The following MGAT4C variants were observed in gnomAD, a reference collection of about 807,000 sequenced individuals.
MGAT4C encodes alpha-1,3-mannosyl-glycoprotein 4-beta-N-acetylglucosaminyltransferase C.
In MGAT4C, 19 loss-of-function variants were observed where a neutral mutation model predicts 40.1. The ratio of observed to expected loss-of-function variants is 0.47; its 90% CI spans 0.33 to 0.70. The LOEUF (loss-of-function observed/expected upper bound fraction) is 0.70. MGAT4C is among the 30% of genes least tolerant of loss of function. MGAT4C has a pLI of 0.02. For missense variants in MGAT4C, 491 were observed against 563.2 expected (o/e 0.87, Z 1.30); for synonymous variants, 181 against 187.1 (o/e 0.97, Z 0.27).
chr12:86,052,198 T>C (rs1420294526), intron 1 of MGAT4C, among the ~76,000 whole-genome samples: 1 of 151,640 alleles, frequency 6.6e-6, no homozygotes, highest in African/African-American at 2.4e-5. Flanking sequence ...TGAAAATACA[T>C]GTTTAAAAAA....
chr12:86,677,882 G>A lies in MGAT4C; in HGVS notation c.-229+49327C>T, dbSNP rs890737582. Among the ~76,000 whole-genome samples the A allele has an allele frequency of 4.9e-4, 75 of 152,120 alleles. 1 individual carries two copies. The highest frequency in any genetic ancestry group is 2.6e-4 in the Non-Finnish European group (18 of 67,984). On this transcript the variant is annotated intron_variant, in intron 2 of 7. Coordinates refer to the MGAT4C transcript ENST00000548651. ...AAGCAAACGACTAAAACTGTTAAAC[G>A]AAAGACTATTGGTCTTCTTTTTCCT...
intron 4 of MGAT4C, among the ~76,000 whole-genome samples, chr12:86,298,867 G>C (rs1275447304): frequency 1.3e-5 from 2 of 151,624 alleles, no homozygotes; most frequent in African/African-American, 4.8e-5. Flanking sequence ...CTCAATAAGT[G>C]GTTATTAAGA....
chr12:86,604,255 A>G (rs1961961083), intron 2 of MGAT4C, among the ~76,000 whole-genome samples: 1 of 152,092 alleles, frequency 6.6e-6, no homozygotes, highest in African/African-American at 2.4e-5. Flanking sequence ...TGACTTTACC[A>G]AAGTTCAATG....
At chr12:86,524,771 T>A (rs1324027563) in intron 2 of MGAT4C, among the ~76,000 whole-genome samples, 1 of 152,150 alleles carries the variant, frequency 6.6e-6, no homozygotes, top group Non-Finnish European at 1.5e-5. Flanking sequence ...ATTCCCTTAT[T>A]TTTTTCTTTA....
intron 1 of MGAT4C, among the ~76,000 whole-genome samples, chr12:86,104,347 C>A (rs1202734173): frequency 1.3e-5 from 2 of 151,466 alleles, no homozygotes; most frequent in Non-Finnish European, 2.9e-5. Flanking sequence ...GATGGAGGTG[C>A]GACAGTCAAT....
intron 2 of MGAT4C, among the ~76,000 whole-genome samples, chr12:86,542,321 A>T (rs1039953556): frequency 1.3e-5 from 2 of 152,046 alleles, no homozygotes; most frequent in Admixed American, 6.6e-5. Context: ...ACATTCAGGA[A>T]ATAAGTAGGA....
At chr12:86,353,839 A>C (rs1955237830) in intron 3 of MGAT4C, among the ~76,000 whole-genome samples, 1 of 152,000 alleles carries the variant, frequency 6.6e-6, no homozygotes, top group Non-Finnish European at 1.5e-5. Flanking sequence ...CTTTGCCCCA[A>C]GTTGAACAGA....
At chr12:86,628,055 CAT>C (rs1186999153) in intron 2 of MGAT4C, among the ~76,000 whole-genome samples, 1 of 152,128 alleles carries the variant, frequency 6.6e-6, no homozygotes, top group Non-Finnish European at 1.5e-5. Flanking sequence ...CGTTAAATGA[CAT>C]GATGGAGCTG....
intron 1 of MGAT4C, among the ~76,000 whole-genome samples, chr12:86,130,493 C>T (rs910613707): frequency 6.6e-6 from 1 of 151,980 alleles, no homozygotes; most frequent in Admixed American, 6.6e-5. Flanking sequence ...TAAGGCAATG[C>T]TTTCCTAACT....
chr12:86,564,110 G>A (rs988246906), intron 2 of MGAT4C, among the ~76,000 whole-genome samples: 20 of 152,112 alleles, frequency 1.3e-4, no homozygotes, highest in African/African-American at 1.7e-4. Flanking sequence ...GGTGATTCCC[G>A]CCATATCCCC....
chr12:86,746,787 C>A (rs1414032081), intron 1 of MGAT4C, among the ~76,000 whole-genome samples: 1 of 151,592 alleles, frequency 6.6e-6, no homozygotes, highest in Non-Finnish European at 1.5e-5. Context: ...GGTATCTTTT[C>A]TGAGCCCCCT....
Position 85,980,276 on chromosome 12 carries a change from A to G in MGAT4C, c.450T>C (p.Asp150=). 1 of 1,613,986 alleles carries G rather than the reference A, an allele frequency of 6.2e-7. No homozygotes were observed. Among genetic ancestry groups the G allele is most frequent in the Non-Finnish European group, 8.5e-7 (1 of 1,179,924 alleles). Residue 150 remains aspartate, a synonymous_variant, in exon 5 of 5, where the codon GAT becomes GAC. Coordinates refer to ENST00000611864, the MANE Select transcript of MGAT4C (RefSeq NM_001351288.2). ...TCTGTGTAATATCCTGGACCATGGC[A>G]TCACGCCAGGAAGAATTAAAGTCTG... ...HLADFNSSWR[D]AMVQDITQKF...
At chr12:86,640,270 C>T (rs1372821570) in intron 2 of MGAT4C, among the ~76,000 whole-genome samples, 1 of 151,724 alleles carries the variant, frequency 6.6e-6, no homozygotes, top group Admixed American at 6.6e-5. Context: ...ACTATTTATT[C>T]TCAACTTAAA....
chr12:86,033,831 G>A (rs1890979770), intron 2 of MGAT4C, among the ~76,000 whole-genome samples: 1 of 149,520 alleles, frequency 6.7e-6, no homozygotes, highest in Non-Finnish European at 1.5e-5. Flanking sequence ...TCTTGCTCCA[G>A]TTCCCAAAAG....
At chr12:86,191,267 A>T (rs1353156825) in intron 1 of MGAT4C, among the ~76,000 whole-genome samples, 1 of 152,050 alleles carries the variant, frequency 6.6e-6, no homozygotes, top group African/African-American at 2.4e-5. Context: ...TGGTGCTCTA[A>T]TCTGGTTAGA....
At chr12:86,017,800 A>T (rs1889247000) in intron 2 of MGAT4C, among the ~76,000 whole-genome samples, 1 of 152,124 alleles carries the variant, frequency 6.6e-6, no homozygotes, top group South Asian at 2.1e-4. Context: ...AACATTTTTA[A>T]CTGTTTGTCA....
At chr12:86,419,723 T>C (rs920557664) in intron 3 of MGAT4C, among the ~76,000 whole-genome samples, 2 of 152,134 alleles carry the variant, frequency 1.3e-5, no homozygotes, top group Non-Finnish European at 2.9e-5. Context: ...TTGTAGTGGA[T>C]GGTAATGAAA....
intron 1 of MGAT4C, among the ~76,000 whole-genome samples, chr12:86,058,126 A>G (rs1002958265): frequency 1.3e-5 from 2 of 152,102 alleles, no homozygotes; most frequent in Admixed American, 6.6e-5. Context: ...ACATATTTCA[A>G]TTGTTAATGG....
chr12:86,092,175 A>G (rs902876795), intron 1 of MGAT4C, among the ~76,000 whole-genome samples: 3 of 152,138 alleles, frequency 2.0e-5, no homozygotes, highest in African/African-American at 7.2e-5. Flanking sequence ...CCTCATGCTC[A>G]AACAGAAATT....
Sources: allele counts gnomAD v4.1 joint callset (sites outside exome capture counted in the v4.1 genomes callset), GRCh38; gene constraint gnomAD v4.1.1; transcripts MANE v1.5; gene names NCBI Gene and HGNC (gene_info 2026-07-23, HGNC 2026-07-21).